The following CWF19L1 variants were observed in gnomAD, a reference collection of about 807,000 sequenced individuals.
The protein encoded by CWF19L1 is CWF19-like protein 1.
Under a neutral mutation model 69.7 loss-of-function variants are expected in CWF19L1, and 60 were observed. The observed-to-expected ratio is 0.86, with a 90% CI of 0.70 to 1.07. The LOEUF is 1.07. CWF19L1 is among the 50% of genes least tolerant of loss of function. The pLI, the probability that CWF19L1 is intolerant of heterozygous loss-of-function variation, is 0.00. For synonymous variants in CWF19L1, 209 were observed against 222.2 expected, an observed-to-expected ratio of 0.94 and a Z score of 0.53; for missense variants, 591 against 638.9, an observed-to-expected ratio of 0.92 and a Z score of 0.81.
chr10:100,244,431 C>T (rs541380392), intron 9 of CWF19L1, among the ~76,000 whole-genome samples: 2 of 152,380 alleles, frequency 1.3e-5, no homozygotes, highest in Admixed American at 1.3e-4. Context: ...TCTCGGCTCA[C>T]TGCAAGCTCC....
At chr10:100,235,635 G>T in intron 13 of CWF19L1, 32 bp downstream of exon 13, 1 of 1,485,294 alleles carries the variant, frequency 6.7e-7, no homozygotes, top group Non-Finnish European at 9.4e-7. Context: ...AGCAGGTCTA[G>T]TGAAAATACA....
Position 100,233,362 on chromosome 10 carries a change from C to T in CWF19L1, c.1482G>A (p.Leu494=). Residue 494 remains leucine, a synonymous_variant, in exon 14 of 14, where the codon CTG becomes CTA. Coordinates refer to ENST00000354105, the MANE Select transcript of CWF19L1 (RefSeq NM_018294.6). ...NFPLQFGREV[L]ASEAILNVPD... is the part of the protein sequence containing the mutation. ...GAACATTAAGGATGGCTTCACTGGC[C>T]AGGACCTCCCTGCAGAAATAGCACA... 6.2e-7 allele frequency: 1 copy of T among 1,612,336 alleles called. No homozygotes were observed. The highest frequency in any genetic ancestry group is 1.3e-5 in the African/African-American group (1 of 74,880).
At chr10:100,244,540 A>G (rs549602842) in intron 9 of CWF19L1, among the ~76,000 whole-genome samples, 36 of 152,184 alleles carry the variant, frequency 2.4e-4, no homozygotes, top group Non-Finnish European at 4.6e-4. Context: ...TATTTTTAGT[A>G]CAGACGGGGT....
At chr10:100,254,087 G>A (rs927754694) in intron 5 of CWF19L1, 6 of 152,144 alleles carry the variant, frequency 3.9e-5, no homozygotes, top group African/African-American at 1.5e-4. Flanking sequence ...CACCATGTTG[G>A]CCAGGCTGGT....
rs142819120 is a variant in CWF19L1, at chr10:100,239,454, C to T, written c.1045-1223G>A. ...AGGAGTTCAAGACCAGCCTGGCCAA[C>T]AAGGTGAAACCCCGTCTCTACTAAA... On this transcript the variant is annotated intron_variant, in intron 10 of 13. Coordinates refer to ENST00000354105, the MANE Select transcript of CWF19L1 (RefSeq NM_018294.6). Among the ~76,000 whole-genome samples, 1,122 of 152,260 alleles carry T rather than the reference C, an allele frequency of 7.4e-3. 20 individuals are homozygous for T. Among genetic ancestry groups the T allele is most frequent in the African/African-American group, 0.025 (1,045 of 41,558 alleles).
At chr10:100,257,045 C>T (rs377634816) in intron 4 of CWF19L1, among the ~76,000 whole-genome samples, 12 of 152,272 alleles carry the variant, frequency 7.9e-5, no homozygotes, top group African/African-American at 2.4e-4. Context: ...AAATTTAAGA[C>T]GCCACTCTCT....
chr10:100,236,327 T>C (rs145674289), intron 12 of CWF19L1, among the ~76,000 whole-genome samples: 1 of 152,080 alleles, frequency 6.6e-6, no homozygotes, highest in African/African-American at 2.4e-5. Context: ...CAGGCTGGTA[T>C]CAAACTCCTG....
chr10:100,237,138 C>T lies in CWF19L1; in HGVS notation c.1255-169G>A, dbSNP rs749947405. On this transcript the variant is annotated intron_variant, in intron 11 of 13. Transcript: ENST00000354105. ...GTCAGCCTGTCTGTAAGGACTTAAA[C>T]TTATGAGATAGCCTGACACATGTGG... The T allele has an allele frequency of 4.8e-6, 4 of 828,598 alleles. No individual in the cohort carries two copies. In the Admixed American group the frequency reaches 7.3e-5, roughly 15 times the overall value. The allele number at this position is 828,598 out of a possible 1,614,324, so 51.3% of individuals were successfully genotyped here. A position where few individuals can be genotyped will look rare whatever the true frequency, so the allele number is the denominator to read the frequency against.
chr10:100,256,335 G>C lies in CWF19L1; in HGVS notation c.431C>G (p.Ser144Cys), dbSNP rs750567096. The C allele has an allele frequency of 9.3e-6, 15 of 1,614,034 alleles. No homozygotes were observed. In the East Asian group the frequency reaches 2.9e-4, roughly 31 times the overall value. ...CAAGATATCAACACCCTTAAACTGG[G>C]AGGTTGTACACAGCATCATTCTCAG... ...SSLRMMLCTT[S>C]QFKGVDILLT... Residue 144 changes from serine to cysteine, a missense_variant, in exon 5 of 14, where the codon TCC (serine) becomes TGC (cysteine). Ser to Cys is a moderately radical substitution (Grantham distance 112). Transcript: ENST00000354105.
At chr10:100,248,467 G>T in intron 7 of CWF19L1, 1 of 678,590 alleles carries the variant, frequency 1.5e-6, no homozygotes, top group Non-Finnish European at 2.7e-6. Flanking sequence ...ATCTTTGACT[G>T]CTGTTCTTGA....
intron 2 of CWF19L1, among the ~76,000 whole-genome samples, 176 bp from the exon 3 acceptor site, chr10:100,261,220 T>C (rs1312427100): frequency 6.6e-6 from 1 of 152,260 alleles, no homozygotes; most frequent in Non-Finnish European, 1.5e-5. Context: ...ACTGATTCTA[T>C]GAATTATTAA....
chr10:100,263,269 A>G (rs376015816), intron 1 of CWF19L1, among the ~76,000 whole-genome samples: 2 of 152,192 alleles, frequency 1.3e-5, no homozygotes. Flanking sequence ...ACTTTCTCCA[A>G]GTTTTCTTAA....
intron 1 of CWF19L1, among the ~76,000 whole-genome samples, chr10:100,266,999 T>C (rs989452543): frequency 6.6e-6 from 1 of 151,902 alleles, no homozygotes; most frequent in Non-Finnish European, 1.5e-5. Context: ...GATTCTTTAG[T>C]ACCTGTTCCT....
chr10:100,243,730 C>T lies in CWF19L1; in HGVS notation c.1012G>A (p.Glu338Lys). The change falls in exon 10 of 14, where the codon GAA becomes AAA. Residue 338 changes from glutamate to lysine, a missense_variant. Glu to Lys is a moderately conservative substitution (Grantham distance 56). Transcript: ENST00000354105. ...CCGATGTTGACCACCAAATGTTTTT[C>T]CACTTCAGGGCTAGCAAGGCAAAAC... ...CWFCLASPEV[E>K]KHLVVNIGTH... 1 of 1,614,186 alleles carries T rather than the reference C, an allele frequency of 6.2e-7. No individual in the cohort carries two copies. The highest frequency in any genetic ancestry group is 2.2e-5 in the East Asian group (1 of 44,888).
intron 1 of CWF19L1, among the ~76,000 whole-genome samples, chr10:100,264,120 T>C (rs1383238556): frequency 1.3e-5 from 2 of 152,222 alleles, no homozygotes; most frequent in African/African-American, 4.8e-5. Flanking sequence ...ATATTACTCA[T>C]TTGTTTGTGG....
At position 100,248,885 on chromosome 10, in the gene CWF19L1, C is replaced by G. The variant is rs1243352043; in HGVS notation, c.708+1363G>C. 8 of 998,320 alleles carry G rather than the reference C, an allele frequency of 8.0e-6. No homozygotes were observed. The East Asian group carries it at 1.9e-4, about 24-fold the overall frequency. The allele number at this position is 998,320 out of a possible 1,614,324, so 61.8% of individuals were successfully genotyped here. ...AAGGCTGAGCAGCAGAAAAAGGCAG[C>G]CATCATCTCTGCTGAGGGCGATTCC... is the stretch of plus-strand genomic sequence containing the variant. On this transcript the variant is annotated intron_variant, in intron 7 of 13. Coordinates refer to ENST00000354105, the MANE Select transcript of CWF19L1 (RefSeq NM_018294.6).
rs1049035641 is a variant in CWF19L1, at chr10:100,250,880, T to G, written c.624-548A>C. Among the ~76,000 whole-genome samples the G allele has an allele frequency of 1.3e-4, 19 of 151,320 alleles. 1 individual carries two copies. The highest frequency in any genetic ancestry group is 4.6e-4 in the African/African-American group (19 of 41,048). On this transcript the variant is annotated intron_variant, in intron 6 of 13. Transcript: ENST00000354105. ...GGAGAATCACTTGAGCCCACGAGGT[T>G]GAGGCTGCAGTGAGCCTTGATAGTA...
intron 2 of CWF19L1, 100 bp from the exon 3 acceptor site, chr10:100,261,144 G>A: frequency 1.3e-6 from 1 of 757,324 alleles, no homozygotes; most frequent in South Asian, 1.9e-5. Flanking sequence ...TTTCAAATCA[G>A]TTTTTAATTC....
intron 13 of CWF19L1, 76 bp from the exon 14 acceptor site, chr10:100,233,447 T>C: frequency 6.7e-7 from 1 of 1,487,270 alleles, no homozygotes; most frequent in Non-Finnish European, 9.1e-7. Context: ...AAAGGAGGTA[T>C]GCAAATTTCT....
Sources: gnomAD v4.1 joint callset for allele counts (sites outside exome capture counted in the v4.1 genomes callset) on GRCh38, gnomAD v4.1.1 for gene constraint, MANE v1.5 for transcripts, NCBI Gene and HGNC (gene_info 2026-07-23, HGNC 2026-07-21) for gene names.